The following AHRR variants were observed in gnomAD, a reference collection of about 807,000 sequenced individuals.
AHRR encodes the protein ahR repressor.
AHRR carries 28 observed loss-of-function variants against 44.0 expected under a neutral mutation model. The ratio of observed to expected loss-of-function variants is 0.64; its 90% CI spans 0.47 to 0.87. The LOEUF is 0.87. Ranked by LOEUF, AHRR falls within the 40% of genes least tolerant of loss-of-function variation. The pLI is 0.00. For missense variants in AHRR, 990 were observed against 953.9 expected (o/e 1.04, Z -0.50); for synonymous variants, 434 against 407.0 (o/e 1.07, Z -0.80).
intron 3 of AHRR, among the ~76,000 whole-genome samples, chr5:371,644 T>C (rs918438311): frequency 2.6e-5 from 4 of 152,184 alleles, no homozygotes; most frequent in African/African-American, 9.7e-5. Context: ...TGTCCTGGGC[T>C]GACCAGTCCT....
At chr5:328,905 T>C (rs1281893710) in intron 1 of AHRR, among the ~76,000 whole-genome samples, 2 of 152,228 alleles carry the variant, frequency 1.3e-5, no homozygotes, top group Non-Finnish European at 2.9e-5. Flanking sequence ...AGACCCATAC[T>C]ATAGTCTGTG....
Position 405,606 on chromosome 5 carries a change from G to A in AHRR, c.352-7738G>A, listed in dbSNP as rs1162201343. 6.6e-6 allele frequency among the ~76,000 whole-genome samples: 1 copy of A among 152,178 alleles called. No homozygotes were observed. Among genetic ancestry groups the A allele is most frequent in the Non-Finnish European group, 1.5e-5 (1 of 68,038 alleles). The stretch of plus-strand genomic sequence containing the variant: ...CCTGGCGCCTGCACCTCTGTATCCA[G>A]AACCAAGTGGGCGGCACACCCTTCA... On this transcript the variant is annotated intron_variant, in intron 4 of 10. Coordinates refer to ENST00000684583, the MANE Select transcript of AHRR (RefSeq NM_001377236.1). The surrounding 1 kb of genome is among the most constrained non-coding windows in gnomAD (Gnocchi z 4.5).
In AHRR at chr5:433,874, C is replaced by G; in HGVS notation, c.1134C>G (p.His378Gln). ...GGSGDREEEQHRMLSRASGVT... is the reference protein window; with the variant it reads ...GGSGDREEEQQRMLSRASGVT... ...GCAGGGACAGGGAGGAGGAGCAGCA[C>G]AGGATGCTGAGCAGGGCCTCTGGAG... Residue 378 changes from histidine (H) to glutamine (Q), a missense_variant, in exon 11 of 11, where the codon CAC (histidine) becomes CAG (glutamine). Physicochemically the swap from His to Gln is conservative, Grantham distance 24 (BLOSUM62 0). Coordinates refer to ENST00000684583, the MANE Select transcript of AHRR (RefSeq NM_001377236.1). 6.6e-7 allele frequency: 1 copy of G among 1,507,454 alleles called. No individual in the cohort carries two copies. The highest frequency in any genetic ancestry group is 8.8e-7 in the Non-Finnish European group (1 of 1,131,074). The allele number at this position is 1,507,454 out of a possible 1,614,324, so 93.4% of individuals were successfully genotyped here.
intron 5 of AHRR, among the ~76,000 whole-genome samples, 177 bp downstream of exon 5, chr5:413,610 C>A (rs1735565598): frequency 6.6e-6 from 1 of 152,190 alleles, no homozygotes; most frequent in South Asian, 2.1e-4. Flanking sequence ...TTTCTTCCAG[C>A]CTGGGTTCGG....
At chr5:364,490 A>G (rs1743287337) in intron 3 of AHRR, among the ~76,000 whole-genome samples, 1 of 152,208 alleles carries the variant, frequency 6.6e-6, no homozygotes. Context: ...GAGGATGGTT[A>G]TCTAATTTGT....
At chr5:376,559 T>TGAATGAATGAGAACCGCGG (rs1423034523) in intron 3 of AHRR, 51 bp from the exon 4 acceptor site, 25 of 242,990 alleles carry the variant, frequency 1.0e-4, no homozygotes, top group East Asian at 1.5e-4. Flanking sequence ...TGAAGAAGAG[T>TGAATGAATGAGAACCGCGG]GGCCAGGCCA....
chr5:352,460 T>C (rs1742890193), intron 2 of AHRR, among the ~76,000 whole-genome samples: 1 of 137,630 alleles, frequency 7.3e-6, no homozygotes, highest in African/African-American at 2.7e-5. Flanking sequence ...ATGGGTCAGC[T>C]GTAGGGGATG....
At chr5:350,775 T>TAAAAAAAA in intron 2 of AHRR, among the ~76,000 whole-genome samples, 1 of 133,500 alleles carries the variant, frequency 7.5e-6, no homozygotes, top group Non-Finnish European at 1.6e-5. Flanking sequence ...GGTGCAACAT[T>TAAAAAAAA]AAAAAAAAAA....
chr5:386,080 A>G (rs1184215609), intron 4 of AHRR, among the ~76,000 whole-genome samples: 1 of 151,944 alleles, frequency 6.6e-6, no homozygotes, highest in African/African-American at 2.4e-5. Context: ...GTGTCTGTGT[A>G]TCTGCTGGGA....
intron 3 of AHRR, among the ~76,000 whole-genome samples, chr5:361,630 C>G (rs1743188059): frequency 6.6e-6 from 1 of 152,186 alleles, no homozygotes; most frequent in Admixed American, 6.5e-5. Flanking sequence ...CCTGAGGCCT[C>G]CAGGTCTCAG....
intron 2 of AHRR, among the ~76,000 whole-genome samples, chr5:349,915 C>T (rs1271095358): frequency 1.3e-5 from 2 of 152,116 alleles, no homozygotes; most frequent in Non-Finnish European, 2.9e-5. Context: ...GTAAATTGTC[C>T]AATGAAGACC....
intron 8 of AHRR, among the ~76,000 whole-genome samples, chr5:429,753 C>G (rs928822215): frequency 3.3e-5 from 5 of 152,228 alleles, no homozygotes; most frequent in African/African-American, 1.2e-4. Flanking sequence ...CCCCAGCCAG[C>G]CCAGTGGGAA....
chr5:402,350 C>T (rs1428765330), intron 4 of AHRR, among the ~76,000 whole-genome samples: 8 of 142,400 alleles, frequency 5.6e-5, no homozygotes, highest in East Asian at 2.1e-4. Flanking sequence ...GGAAGGCAGT[C>T]GTTGATGAGG....
At position 343,969 on chromosome 5, in the gene AHRR, A is replaced by G; in HGVS notation, c.62+5A>G. On this transcript the variant is annotated splice_donor_5th_base_variant and intron_variant, in intron 2 of 10. Coordinates refer to ENST00000684583, the MANE Select transcript of AHRR (RefSeq NM_001377236.1). ...GAGGAGGCCCCTGCAGAAACAGTAA[A>G]GTATCCCGCCTTCTGCTTGTGTGGG... 2 of 1,595,736 alleles carry G rather than the reference A, an allele frequency of 1.3e-6. No homozygotes were observed. Among genetic ancestry groups the G allele is most frequent in the Non-Finnish European group, 1.7e-6 (2 of 1,172,070 alleles).
At chr5:333,363 AG>A (rs1293511319) in intron 1 of AHRR, among the ~76,000 whole-genome samples, 1 of 152,226 alleles carries the variant, frequency 6.6e-6, no homozygotes, top group Non-Finnish European at 1.5e-5. Context: ...TGGGAGGCAG[AG>A]GCAGGTGGAT....
In AHRR at chr5:411,686, CA is replaced by C. The variant is rs1005984692; in HGVS notation, c.352-1651del. On this transcript the variant is annotated intron_variant, in intron 4 of 10. Transcript: ENST00000684583. The surrounding 1 kb of genome is among the most constrained non-coding windows in gnomAD (Gnocchi z 4.2). ...TCTGTTTTCAAATTGGCAAAGATTT[CA>C]AAAAAAGAAAAAAGGAAAATAAAAG... is the stretch of plus-strand genomic sequence containing the variant. Among the ~76,000 whole-genome samples, 6 of 151,006 alleles carry C rather than the reference CA, an allele frequency of 4.0e-5. No individual in the cohort carries two copies. Among genetic ancestry groups the C allele is most frequent in the African/African-American group, 1.2e-4 (5 of 41,014 alleles).
At chr5:377,655 C>T (rs1560898895) in intron 4 of AHRR, among the ~76,000 whole-genome samples, 1 of 152,228 alleles carries the variant, frequency 6.6e-6, no homozygotes, top group Non-Finnish European at 1.5e-5. Context: ...TGCCCCAGAT[C>T]CTCCTGTGTG....
At chr5:375,280 T>C (rs1341370882) in intron 3 of AHRR, among the ~76,000 whole-genome samples, 1 of 152,190 alleles carries the variant, frequency 6.6e-6, no homozygotes, top group Admixed American at 6.5e-5. Context: ...GGGCTACAAA[T>C]AGACACGTGC....
At chr5:422,583 G>A in intron 5 of AHRR, 146 bp from the exon 6 acceptor site, 2 of 1,114,138 alleles carry the variant, frequency 1.8e-6, no homozygotes, top group Non-Finnish European at 2.6e-6. Context: ...CCGGGGCCAA[G>A]CGCCGTCTCT....
Sources: allele counts gnomAD v4.1 joint callset (sites outside exome capture counted in the v4.1 genomes callset), GRCh38; gene constraint gnomAD v4.1.1; non-coding constraint Gnocchi (gnomAD v3.1); transcripts MANE v1.5; gene names NCBI Gene and HGNC (gene_info 2026-07-23, HGNC 2026-07-21).